LRP5: variants seen among roughly 807,000 people sequenced by gnomAD.
The protein encoded by LRP5 is low-density lipoprotein receptor-related protein 5.
In LRP5, 62 loss-of-function variants were observed where a neutral mutation model predicts 154.1. That is an observed-to-expected ratio of 0.40 (90% CI 0.33 to 0.50). The LOEUF is 0.50. LRP5 is among the 20% of genes least tolerant of loss of function. LRP5 has a pLI of 0.55. For missense variants in LRP5, 1,915 were observed against 2,336.7 expected (o/e 0.82, Z 3.72); for synonymous variants, 966 against 1,011.5 (o/e 0.96, Z 0.85).
chr11:68,411,363 G>T, intron 10 of LRP5, 73 bp from the exon 11 acceptor site: 1 of 1,524,574 alleles, frequency 6.6e-7, no homozygotes, highest in Non-Finnish European at 8.9e-7. Context: ...GGACAGTTGC[G>T]TCCCCCCGCC....
rs2098677180 is a variant in LRP5, at chr11:68,439,840, C to T, written c.4412C>T (p.Pro1471Leu). 6.2e-7 allele frequency: 1 copy of T among 1,610,316 alleles called. No individual in the cohort carries two copies. The highest frequency in any genetic ancestry group is 8.5e-7 in the Non-Finnish European group (1 of 1,179,304). The change falls in exon 21 of 23, where the codon CCC becomes CTC. Residue 1471 changes from proline (P) to leucine (L), a missense_variant. Physicochemically the swap from Pro to Leu is moderately conservative, Grantham distance 98 (BLOSUM62 -3). This residue lies in a region of LRP5 where 1,094 missense variants were observed against 1,210.1 expected (regional missense o/e 0.90). Coordinates refer to ENST00000294304, the MANE Select transcript of LRP5 (RefSeq NM_002335.4). ...VSLMGGRGGV[P>L]LYDRNHVTGA... ...CTGATGGGGGGCCGGGGCGGGGTGCCCCTCTACGACCGGAACCACGTCACA... is the reference window on the plus strand; with the variant it reads ...CTGATGGGGGGCCGGGGCGGGGTGCTCCTCTACGACCGGAACCACGTCACA...
intron 18 of LRP5, among the ~76,000 whole-genome samples, chr11:68,434,512 T>C (rs2098673833): frequency 6.6e-6 from 1 of 152,142 alleles, no homozygotes; most frequent in African/African-American, 2.4e-5. Context: ...CCCGAGTAGC[T>C]GGGATGACAG....
intron 12 of LRP5, among the ~76,000 whole-genome samples, chr11:68,414,978 G>A (rs1276896704): frequency 6.6e-6 from 1 of 152,264 alleles, no homozygotes; most frequent in Non-Finnish European, 1.5e-5. Flanking sequence ...CCCACGGCAA[G>A]GAGGGGTTGC....
At chr11:68,385,789 G>A (rs1400040317) in intron 5 of LRP5, among the ~76,000 whole-genome samples, 11 of 152,096 alleles carry the variant, frequency 7.2e-5, no homozygotes, top group African/African-American at 2.7e-4. Context: ...ACGGTGCTGG[G>A]GCCTGAAGCC....
Position 68,358,531 on chromosome 11 carries a change from C to T in LRP5, c.686+684C>T, listed in dbSNP as rs193195020. Among the ~76,000 whole-genome samples, 9 of 152,220 alleles carry T rather than the reference C, an allele frequency of 5.9e-5. No individual in the cohort carries two copies. In the East Asian group the frequency reaches 1.7e-3, roughly 29 times the overall value. On this transcript the variant is annotated intron_variant, in intron 3 of 22. Coordinates refer to ENST00000294304, the MANE Select transcript of LRP5 (RefSeq NM_002335.4). The stretch of plus-strand genomic sequence containing the variant: ...GGCCCGGCAGGGTTGTGAACAGTAA[C>T]CCTGTCACACGCACCACCCCCACCC...
rs760734426 is a variant in LRP5, at chr11:68,413,880, C to G, written c.2695C>G (p.Arg899Gly). 1 of 1,613,144 alleles carries G rather than the reference C, an allele frequency of 6.2e-7. No homozygotes were observed. The highest frequency in any genetic ancestry group is 1.7e-5 in the Admixed American group (1 of 60,008). ...VMDILVFHSS[R>G]QDGLNDCMHN... ...GGACATCCTGGTGTTCCACTCCTCC[C>G]GCCAGGATGGCCTCAATGACTGTAT... Residue 899 changes from arginine (R) to glycine (G), a missense_variant, in exon 12 of 23, where the codon CGC becomes GGC. Around this residue, in one of 3 missense-constraint regions of LRP5, gnomAD observed 1,094 missense variants for 1,210.1 expected, o/e 0.90. Transcript: ENST00000294304. This position sits in a 1 kb window ranked among gnomAD's most constrained non-coding sequence, Gnocchi z 5.1.
chr11:68,351,283 A>G (rs2098618297), intron 2 of LRP5, among the ~76,000 whole-genome samples: 1 of 151,990 alleles, frequency 6.6e-6, no homozygotes, highest in Admixed American at 6.6e-5. Context: ...CGAGTGGGCT[A>G]GCCACCCCTG....
At chr11:68,383,064 G>C (rs1232361029) in intron 5 of LRP5, among the ~76,000 whole-genome samples, 2 of 152,138 alleles carry the variant, frequency 1.3e-5, no homozygotes, top group Non-Finnish European at 2.9e-5. Context: ...TTTTAGTAGA[G>C]AGGGGGTTTT....
At chr11:68,346,684 G>A (rs1353421314) in intron 1 of LRP5, among the ~76,000 whole-genome samples, 1 of 152,232 alleles carries the variant, frequency 6.6e-6, no homozygotes, top group Non-Finnish European at 1.5e-5. Context: ...TTTTCATGAG[G>A]AATGTCAGCT....
At chr11:68,399,875 A>G in intron 7 of LRP5, among the ~76,000 whole-genome samples, 1 of 152,232 alleles carries the variant, frequency 6.6e-6, no homozygotes, top group Admixed American at 6.5e-5. Context: ...TTCCTCCAGT[A>G]TTAGAGCAAC....
At position 68,423,563 on chromosome 11, in the gene LRP5, C is replaced by T. The variant is rs756084148; in HGVS notation, c.3102C>T (p.Tyr1034=). 7 of 1,614,264 alleles carry T rather than the reference C, an allele frequency of 4.3e-6. No individual in the cohort carries two copies. The South Asian group carries it at 7.7e-5, about 18-fold the overall frequency. The change falls in exon 14 of 23, where the codon TAC becomes TAT. Residue 1034 remains tyrosine (Y), a synonymous_variant. Coordinates refer to ENST00000294304, the MANE Select transcript of LRP5 (RefSeq NM_002335.4). The surrounding 1 kb of genome is among the most constrained non-coding windows in gnomAD (Gnocchi z 4.7). ...CCCACGACCTCAGCATCGACATCTA[C>T]AGCCGGACACTGTTCTGGACGTGCG... The part of the protein sequence containing the change: ...RQPHDLSIDI[Y]SRTLFWTCEA...
upstream of LRP5, among the ~76,000 whole-genome samples, chr11:68,312,349 CG>C (rs2098588594): frequency 6.6e-6 from 1 of 151,916 alleles, no homozygotes; most frequent in South Asian, 2.1e-4. Flanking sequence ...GGGCCCCGAT[CG>C]GCCGCCGGGC....
At chr11:68,398,177 T>C (rs1320744494) in intron 7 of LRP5, among the ~76,000 whole-genome samples, 2 of 152,176 alleles carry the variant, frequency 1.3e-5, no homozygotes, top group East Asian at 1.9e-4. Context: ...CTTGGGCTCA[T>C]GTCTGTTTGC....
At chr11:68,332,701 G>A (rs150433928) in intron 1 of LRP5, among the ~76,000 whole-genome samples, 110 of 152,336 alleles carry the variant, frequency 7.2e-4, no homozygotes, top group Admixed American at 1.6e-3. Context: ...CTGGTGCGGT[G>A]GGATTCATGT....
intron 17 of LRP5, among the ~76,000 whole-genome samples, chr11:68,430,074 G>A (rs918460434): frequency 3.9e-5 from 6 of 152,162 alleles, no homozygotes; most frequent in Admixed American, 3.3e-4. Context: ...TAATTCTACT[G>A]TAGTCTGAGA....
chr11:68,356,450 T>G (rs2098623252), intron 2 of LRP5, among the ~76,000 whole-genome samples: 1 of 152,162 alleles, frequency 6.6e-6, no homozygotes, highest in South Asian at 2.1e-4. Flanking sequence ...TTTTGTTGTT[T>G]TTAAATAGAC....
In LRP5 at chr11:68,347,911, G is replaced by A; in HGVS notation, c.156G>A (p.Lys52=). ...DVRLVDAGGV[K]LESTIVVSGL... Reference sequence around the variant, plus strand: ...GGCTGGTGGACGCCGGCGGAGTCAAGCTGGAGTCCACCATCGTGGTCAGCG... The same window carrying A: ...GGCTGGTGGACGCCGGCGGAGTCAAACTGGAGTCCACCATCGTGGTCAGCG... Residue 52 remains lysine, a synonymous_variant, in exon 2 of 23, where the codon AAG becomes AAA. Transcript: ENST00000294304. 2 of 1,613,560 alleles carry A rather than the reference G, an allele frequency of 1.2e-6. No individual in the cohort carries two copies. Among genetic ancestry groups the A allele is most frequent in the Non-Finnish European group, 8.5e-7 (1 of 1,180,040 alleles).
intron 7 of LRP5, among the ~76,000 whole-genome samples, chr11:68,401,840 C>T (rs889191496): frequency 7.9e-5 from 12 of 152,166 alleles, no homozygotes; most frequent in Non-Finnish European, 1.5e-4. Context: ...AGGTGTGTGC[C>T]GCCATGCCCA....
intron 7 of LRP5, among the ~76,000 whole-genome samples, chr11:68,394,127 C>G (rs1210076390): frequency 6.6e-6 from 1 of 152,172 alleles, no homozygotes; most frequent in Non-Finnish European, 1.5e-5. Context: ...AACACCGAAG[C>G]TCAAAACAGG....
Sources: gnomAD v4.1 joint callset for allele counts (sites outside exome capture counted in the v4.1 genomes callset) on GRCh38, gnomAD v4.1.1 for gene constraint, gnomAD v4.1.1 regional missense constraint, Gnocchi (gnomAD v3.1) non-coding constraint, MANE v1.5 for transcripts, NCBI Gene and HGNC (gene_info 2026-07-23, HGNC 2026-07-21) for gene names.